ABCB5: variants seen among roughly 807,000 people sequenced by gnomAD.
The protein encoded by ABCB5 is ATP-binding cassette sub-family B member 5.
Under a neutral mutation model 144.2 loss-of-function variants are expected in ABCB5, and 155 were observed. The observed-to-expected ratio is 1.08, with a 90% CI of 0.94 to 1.23. ABCB5 has a LOEUF of 1.23. Ranked by LOEUF, ABCB5 falls within the 50% of genes most tolerant of loss-of-function variation. The pLI is 0.00. For synonymous variants in ABCB5, 610 were observed against 528.6 expected (o/e 1.15, Z -2.11); for missense variants, 1,830 against 1,520.8 (o/e 1.20, Z -3.38).
rs191521377 is a variant in ABCB5, at chr7:20,623,621, T to C, written c.53+283T>C. Among the ~76,000 whole-genome samples the C allele has an allele frequency of 3.0e-3, 461 of 152,312 alleles. 10 individuals carry two copies. Among genetic ancestry groups the C allele is most frequent in the Admixed American group, 0.028 (423 of 15,298 alleles). On this transcript the variant is annotated intron_variant, in intron 2 of 27. Coordinates refer to ENST00000404938, the MANE Select transcript of ABCB5 (RefSeq NM_001163941.2). ...CTCATCGTTAATTTCTTGTCCACCA[T>C]TATACAGAAGAAAGGCACCTGCAAA... is the stretch of plus-strand genomic sequence containing the variant.
At chr7:20,622,898 G>T (rs1783828717) in intron 1 of ABCB5, among the ~76,000 whole-genome samples, 1 of 152,070 alleles carries the variant, frequency 6.6e-6, no homozygotes, top group South Asian at 2.1e-4. Flanking sequence ...AAAACAGCAT[G>T]AGATAGATTA....
chr7:20,645,918 T>C, intron 8 of ABCB5, 38 bp downstream of exon 8: 2 of 1,612,634 alleles, frequency 1.2e-6, no homozygotes, highest in Non-Finnish European at 1.7e-6. Flanking sequence ...TGCTTGGTTT[T>C]ATTTTCCCCA....
Position 20,666,675 on chromosome 7 carries a change from C to G in ABCB5, c.1707+7999C>G. ...TGGTGACCTTTGTTTGGTCAAATAC[C>G]TAATTGTTTGGCTTTTAGCTTTGTG... On this transcript the variant is annotated intron_variant, in intron 14 of 27. Coordinates refer to ENST00000404938, the MANE Select transcript of ABCB5 (RefSeq NM_001163941.2). The G allele has an allele frequency of 2.7e-6, 4 of 1,505,362 alleles. No homozygotes were observed. The South Asian group carries it at 4.3e-5, about 16-fold the overall frequency. The allele number at this position is 1,505,362 out of a possible 1,614,324, so 93.3% of individuals were successfully genotyped here.
chr7:20,672,288 A>G (rs1232727597), intron 14 of ABCB5, among the ~76,000 whole-genome samples: 1 of 151,778 alleles, frequency 6.6e-6, no homozygotes, highest in Non-Finnish European at 1.5e-5. Flanking sequence ...TGTGTCTTCC[A>G]AAGGCCAGGA....
In ABCB5 at chr7:20,712,400, TG is replaced by T. The variant is rs909041576; in HGVS notation, c.2421+7596del. On this transcript the variant is annotated intron_variant, in intron 20 of 27. Transcript: ENST00000404938. ...AAGTTCACTGAAATTCTTAGATTTA[TG>T]GGCTTATAGTTTTCACCAAATTTTA... 2.7e-5 allele frequency among the ~76,000 whole-genome samples: 4 copies of T among 149,140 alleles called. 1 individual carries two copies. Among genetic ancestry groups the T allele is most frequent in the Admixed American group, 2.7e-4 (4 of 14,942 alleles).
rs553225499 is a variant in ABCB5, at chr7:20,654,059, G to C, written c.1536+2436G>C. On this transcript the variant is annotated intron_variant, in intron 13 of 27. Coordinates refer to ENST00000404938, the MANE Select transcript of ABCB5 (RefSeq NM_001163941.2). ...CCAGAGAAGAGAGGTTTTGGAGGTT[G>C]TGTTCTGCCAAGTTATGTGGCTTTC... Among the ~76,000 whole-genome samples the C allele has an allele frequency of 1.8e-4, 27 of 152,310 alleles. No homozygotes were observed. The South Asian group carries it at 5.2e-3, about 29-fold the overall frequency.
intron 23 of ABCB5, among the ~76,000 whole-genome samples, chr7:20,738,561 T>C (rs1330597171): frequency 1.3e-5 from 2 of 152,218 alleles, no homozygotes; most frequent in African/African-American, 4.8e-5. Context: ...AACTACATTA[T>C]ATGCAAAACA....
rs1783912460 is a variant in ABCB5 at position 20,626,504 on chromosome 7, T to A, written c.54-53T>A. ...TCTGCAAACTATTAATGGAAAAATT[T>A]TGCAAATTATATTCACATTGTAACT... On this transcript the variant is annotated intron_variant, in intron 2 of 27. Transcript: ENST00000404938. The A allele has an allele frequency of 4.6e-6, 7 of 1,532,270 alleles. No homozygotes were observed. The South Asian group carries it at 8.7e-5, about 19-fold the overall frequency. The allele number at this position is 1,532,270 out of a possible 1,614,324, so 94.9% of individuals were successfully genotyped here. A position where few individuals can be genotyped will look rare whatever the true frequency, so the allele number is the denominator to read the frequency against.
In ABCB5 at chr7:20,700,136, G is replaced by T. The variant is rs1313082695; in HGVS notation, c.2337+1G>T. The T allele has an allele frequency of 1.3e-6, 2 of 1,593,008 alleles. No homozygotes were observed. Among genetic ancestry groups the T allele is most frequent in the Admixed American group, 3.5e-5 (2 of 56,752 alleles). On this transcript the variant is annotated splice_donor_variant, in intron 19 of 27. Transcript: ENST00000404938. LOFTEE classifies it high-confidence loss of function. ...GGCCTTCAAAGCCATGTTATATCAG[G>T]TCAGTGATAAGTTGATTTTTTTTTT...
At chr7:20,747,725 T>G (rs1421490163) in intron 26 of ABCB5, among the ~76,000 whole-genome samples, 1 of 152,250 alleles carries the variant, frequency 6.6e-6, no homozygotes, top group Admixed American at 6.5e-5. Context: ...AAGACTAGCT[T>G]ATTTTTCAGT....
At chr7:20,666,624 A>C (rs1329470071) in intron 14 of ABCB5, 3 of 1,142,772 alleles carry the variant, frequency 2.6e-6, no homozygotes, top group Non-Finnish European at 3.5e-6. Context: ...AATGTCAGCA[A>C]AGTGTCAAGT....
chr7:20,659,834 T>A, intron 14 of ABCB5: 13 of 917,680 alleles, frequency 1.4e-5, no homozygotes, highest in Non-Finnish European at 1.7e-5. Context: ...CAGGCGTGCA[T>A]CACCACACCC....
intron 24 of ABCB5, among the ~76,000 whole-genome samples, chr7:20,739,717 GT>G (rs917126433): frequency 4.7e-5 from 7 of 149,516 alleles, no homozygotes; most frequent in Admixed American, 4.0e-4. Flanking sequence ...AGGTTTATTT[GT>G]TTTTTTTTCT....
chr7:20,721,991 G>T (rs1389436904), intron 20 of ABCB5, among the ~76,000 whole-genome samples: 1 of 152,006 alleles, frequency 6.6e-6, no homozygotes, highest in African/African-American at 2.4e-5. Context: ...ATGTAAAACT[G>T]GTACTTTGAT....
At chr7:20,679,059 G>A (rs1052353839) in intron 14 of ABCB5, among the ~76,000 whole-genome samples, 6 of 152,004 alleles carry the variant, frequency 3.9e-5, no homozygotes, top group African/African-American at 9.7e-5. Context: ...GTGTGACCTT[G>A]GAGTAAAGAT....
intron 1 of ABCB5, among the ~76,000 whole-genome samples, chr7:20,620,544 AT>A (rs1317264363): frequency 2.0e-5 from 3 of 150,478 alleles, no homozygotes; most frequent in South Asian, 2.1e-4. Context: ...ACAACTTACT[AT>A]AAAAAAAAAC....
chr7:20,660,281 A>G (rs1227008049), intron 14 of ABCB5: 3 of 985,412 alleles, frequency 3.0e-6, no homozygotes, highest in Non-Finnish European at 3.6e-6. Flanking sequence ...ATATGAAAAT[A>G]ATAACAGCTA....
intron 24 of ABCB5, among the ~76,000 whole-genome samples, chr7:20,741,969 T>A (rs763018379): frequency 6.6e-6 from 1 of 152,214 alleles, no homozygotes; most frequent in Non-Finnish European, 1.5e-5. Flanking sequence ...TTTTTAAACA[T>A]CCTGGTGTAG....
intron 19 of ABCB5, among the ~76,000 whole-genome samples, chr7:20,704,283 G>A (rs1786741333): frequency 6.6e-6 from 1 of 151,694 alleles, no homozygotes. Flanking sequence ...TGCCATGTTG[G>A]CCAGGCTGGT....
Sources: allele counts gnomAD v4.1 joint callset (sites outside exome capture counted in the v4.1 genomes callset), GRCh38; gene constraint gnomAD v4.1.1; transcripts MANE v1.5; gene names NCBI Gene and HGNC (gene_info 2026-07-23, HGNC 2026-07-21).